OPCML: variants seen among roughly 807,000 people sequenced by gnomAD.
The protein encoded by OPCML is opioid binding protein/cell adhesion molecule like.
A neutral mutation model predicts 37.8 loss-of-function variants in OPCML; 13 were observed. The observed-to-expected ratio is 0.34, with a 90% CI of 0.22 to 0.55. The LOEUF (loss-of-function observed/expected upper bound fraction) is 0.55. OPCML is among the 20% of genes least tolerant of loss of function. The probability of loss-of-function intolerance (pLI) is 0.91; values close to 1 mark genes in which losing one functional copy is unlikely to be tolerated. For missense variants in OPCML, 341 were observed against 435.6 expected (o/e 0.78, Z 1.93); for synonymous variants, 176 against 168.8 (o/e 1.04, Z -0.33).
chr11:133,185,912 C>T (rs928035014), intron 1 of OPCML, among the ~76,000 whole-genome samples: 2 of 152,128 alleles, frequency 1.3e-5, no homozygotes, highest in African/African-American at 4.8e-5. Context: ...TTTTTCTTTA[C>T]ATTAAATTCT....
chr11:133,511,361 G>A (rs73025684), intron 1 of OPCML, among the ~76,000 whole-genome samples: 10,061 of 152,158 alleles, frequency 0.066, 508 homozygotes, highest in African/African-American at 0.14. Flanking sequence ...AATAAAAGCC[G>A]AACTTCTTAC....
intron 1 of OPCML, among the ~76,000 whole-genome samples, chr11:133,264,367 T>A (rs1258993474): frequency 6.6e-6 from 1 of 152,216 alleles, no homozygotes; most frequent in African/African-American, 2.4e-5. Context: ...CTGATGAAGC[T>A]GACAAATACA....
At chr11:133,187,953 C>T (rs550264806) in intron 1 of OPCML, among the ~76,000 whole-genome samples, 1 of 152,148 alleles carries the variant, frequency 6.6e-6, no homozygotes, top group African/African-American at 2.4e-5. Context: ...AGTTCCAAGT[C>T]GTTTCACTCC....
At chr11:133,042,298 G>C (rs185237221) in intron 1 of OPCML, among the ~76,000 whole-genome samples, 1 of 152,338 alleles carries the variant, frequency 6.6e-6, no homozygotes, top group Admixed American at 6.5e-5. Context: ...GGATAGTATG[G>C]CCTCGTGTGT....
At chr11:132,857,880 T>C (rs928935575) in intron 2 of OPCML, among the ~76,000 whole-genome samples, 4 of 152,124 alleles carry the variant, frequency 2.6e-5, no homozygotes, top group Admixed American at 6.6e-5. Flanking sequence ...ATTTTAAGCA[T>C]GTAAAAAGGC....
intron 1 of OPCML, among the ~76,000 whole-genome samples, chr11:133,138,169 C>T (rs1198872554): frequency 6.6e-6 from 1 of 152,054 alleles, no homozygotes; most frequent in African/African-American, 2.4e-5. Context: ...GGTTCCTCCC[C>T]ATGTTTGGTC....
intron 1 of OPCML, chr11:133,007,037 A>G: frequency 2.0e-6 from 2 of 985,486 alleles, no homozygotes; most frequent in Non-Finnish European, 2.4e-6. Context: ...GAGGAAAGGC[A>G]TGAGAAAAAA....
chr11:133,491,873 G>C (rs1947671170), intron 1 of OPCML, among the ~76,000 whole-genome samples: 1 of 152,154 alleles, frequency 6.6e-6, no homozygotes, highest in Non-Finnish European at 1.5e-5. Context: ...CTCCAATCAG[G>C]CAAGACCCAG....
At chr11:132,749,126 G>A (rs1945746782) in intron 2 of OPCML, among the ~76,000 whole-genome samples, 2 of 152,160 alleles carry the variant, frequency 1.3e-5, no homozygotes, top group African/African-American at 4.8e-5. Context: ...ACCCCAGACA[G>A]CTCTCTCTTT....
At chr11:132,773,632 CA>C (rs1332006178) in intron 2 of OPCML, among the ~76,000 whole-genome samples, 4 of 152,224 alleles carry the variant, frequency 2.6e-5, no homozygotes, top group Admixed American at 2.6e-4. Flanking sequence ...AACTGTGCCT[CA>C]CCCATATTCT....
At chr11:133,444,001 C>T (rs73037006) in intron 1 of OPCML, among the ~76,000 whole-genome samples, 13,980 of 152,130 alleles carry the variant, frequency 0.092, 1,334 homozygotes, top group African/African-American at 0.23. Flanking sequence ...TATGCTGTTA[C>T]TGAGCAGCAT....
intron 1 of OPCML, among the ~76,000 whole-genome samples, chr11:133,196,302 G>A (rs1401162038): frequency 1.3e-5 from 2 of 152,200 alleles, no homozygotes; most frequent in African/African-American, 4.8e-5. Flanking sequence ...TTTAATGTCA[G>A]TTTAATGCAT....
intron 2 of OPCML, among the ~76,000 whole-genome samples, chr11:132,826,211 T>C (rs1940322781): frequency 6.6e-6 from 1 of 152,214 alleles, no homozygotes; most frequent in African/African-American, 2.4e-5. Flanking sequence ...TGTCACACAG[T>C]TAGCCACTGA....
chr11:133,516,435 G>T (rs184279472), intron 1 of OPCML, among the ~76,000 whole-genome samples: 1 of 152,066 alleles, frequency 6.6e-6, no homozygotes, highest in Non-Finnish European at 1.5e-5. Context: ...TCACACCACC[G>T]CCGCCGGGGC....
intron 1 of OPCML, among the ~76,000 whole-genome samples, chr11:133,089,480 G>A (rs183640051): frequency 4.1e-4 from 62 of 152,238 alleles, no homozygotes; most frequent in African/African-American, 1.2e-3. Context: ...TAACTTACTC[G>A]TTTGGAGATA....
chr11:133,275,207 C>CA (rs560177787), intron 1 of OPCML, among the ~76,000 whole-genome samples: 14 of 151,848 alleles, frequency 9.2e-5, no homozygotes, highest in Non-Finnish European at 1.5e-4. Flanking sequence ...CTTTTTTTCT[C>CA]AAAAAAATAT....
intron 1 of OPCML, among the ~76,000 whole-genome samples, chr11:133,183,207 T>G (rs1253585424): frequency 1.3e-5 from 2 of 152,204 alleles, no homozygotes; most frequent in African/African-American, 4.8e-5. Context: ...AATCTGTTTT[T>G]AGCTTAATCT....
chr11:133,439,568 C>T (rs1403586857), intron 1 of OPCML, among the ~76,000 whole-genome samples: 6 of 151,944 alleles, frequency 3.9e-5, no homozygotes, highest in African/African-American at 7.3e-5. Flanking sequence ...CCCAGGTTCA[C>T]GTCATTCTCC....
intron 3 of OPCML, among the ~76,000 whole-genome samples, chr11:132,635,417 G>A (rs1192561936): frequency 6.6e-6 from 1 of 151,890 alleles, no homozygotes; most frequent in Non-Finnish European, 1.5e-5. Flanking sequence ...AATGATCGAT[G>A]GCTTATATGA....
Sources: allele counts gnomAD v4.1 joint callset (sites outside exome capture counted in the v4.1 genomes callset), GRCh38; gene constraint gnomAD v4.1.1; transcripts MANE v1.5; gene names NCBI Gene and HGNC (gene_info 2026-07-23, HGNC 2026-07-21).